Variants in IPMK observed in about 807,000 individuals in gnomAD.
IPMK encodes inositol polyphosphate multikinase.
IPMK carries 17 observed loss-of-function variants against 45.8 expected under a neutral mutation model. The observed-to-expected ratio is 0.37, with a 90% CI of 0.25 to 0.56. The LOEUF is 0.56. Ranked by LOEUF, IPMK falls within the 20% of genes least tolerant of loss-of-function variation. The pLI, the probability that IPMK is intolerant of heterozygous loss-of-function variation, is 0.79. For synonymous variants in IPMK, 180 were observed against 184.3 expected (o/e 0.98, Z 0.19); for missense variants, 399 against 498.0 (o/e 0.80, Z 1.89).
chr10:58,246,768 T>C (rs1233132444), intron 1 of IPMK, among the ~76,000 whole-genome samples: 1 of 152,016 alleles, frequency 6.6e-6, no homozygotes, highest in East Asian at 1.9e-4. Context: ...TCTAAAACAC[T>C]AAAAGCAATG....
At chr10:58,213,781 C>T (rs1418044359) in intron 4 of IPMK, among the ~76,000 whole-genome samples, 1 of 151,474 alleles carries the variant, frequency 6.6e-6, no homozygotes, top group Non-Finnish European at 1.5e-5. Flanking sequence ...GAGATGGGTG[C>T]CATAGATTCA....
rs774503755 is a variant in IPMK at position 58,196,090 on chromosome 10, T to A, written c.1237A>T (p.Ile413Phe). ...LKHLISVLRS[I>F]LDN ...CAACAGAGGATTCAATTGTCTAAAA[T>A]ACTTCGAAGTACAGAAATTAAATGC... Residue 413 changes from isoleucine (I) to phenylalanine (F), a missense_variant, in exon 6 of 6, where the codon ATT becomes TTT. Ile to Phe is a conservative substitution (Grantham distance 21). This residue lies in a region of IPMK where 288 missense variants were observed against 398.0 expected (regional missense o/e 0.72). Coordinates refer to ENST00000373935, the MANE Select transcript of IPMK (RefSeq NM_152230.5). The A allele has an allele frequency of 1.9e-6, 3 of 1,612,438 alleles. No homozygotes were observed. In the East Asian group the frequency reaches 6.7e-5, roughly 36 times the overall value.
At chr10:58,225,642 G>A (rs569319073) in intron 3 of IPMK, among the ~76,000 whole-genome samples, 11 of 152,084 alleles carry the variant, frequency 7.2e-5, no homozygotes, top group South Asian at 2.1e-4. Context: ...ATTTAATTAC[G>A]TAGATTTTCA....
intron 1 of IPMK, among the ~76,000 whole-genome samples, chr10:58,261,482 C>T (rs1454499564): frequency 7.4e-6 from 1 of 134,386 alleles, no homozygotes; most frequent in Non-Finnish European, 1.5e-5. Context: ...TGAATTTAAA[C>T]AGAAACAAAT....
Position 58,193,409 on chromosome 10 carries a change from C to T in IPMK, c.*2667G>A, listed in dbSNP as rs1292086728. ...CTGAGTTGAAATACCACAAGCTCCA[C>T]ATTAGAGCCATTTAATATACACATT... is the stretch of plus-strand genomic sequence containing the variant. On this transcript the variant is annotated 3_prime_UTR_variant, in exon 6 of 6. Transcript: ENST00000373935. 1.3e-5 allele frequency: 2 copies of T among 151,830 alleles called. No homozygotes were observed. Among genetic ancestry groups the T allele is most frequent in the South Asian group, 2.1e-4 (1 of 4,836 alleles). 9.4% of individuals were successfully genotyped at this position (151,830 alleles called of 1,614,324 possible). A position where few individuals can be genotyped will look rare whatever the true frequency, so the allele number is the denominator to read the frequency against.
At chr10:58,249,624 T>C (rs1838854096) in intron 1 of IPMK, among the ~76,000 whole-genome samples, 1 of 152,178 alleles carries the variant, frequency 6.6e-6, no homozygotes, top group African/African-American at 2.4e-5. Flanking sequence ...AAGGATAGTC[T>C]ACAGATATTT....
chr10:58,257,495 A>T (rs1434119696), intron 1 of IPMK, among the ~76,000 whole-genome samples: 2 of 150,042 alleles, frequency 1.3e-5, no homozygotes, highest in South Asian at 2.2e-4. Flanking sequence ...ACTCTGTCTC[A>T]AAAACAAAAA....
intron 4 of IPMK, chr10:58,212,712 TG>T: frequency 4.2e-6 from 1 of 240,664 alleles, no homozygotes; most frequent in Non-Finnish European, 9.1e-6. Context: ...TTACTTTTTC[TG>T]GTCTCTGTTC....
At position 58,249,923 on chromosome 10, in the gene IPMK, C is replaced by T. The variant is rs113291508; in HGVS notation, c.191-12109G>A. ...GCTTATGGATATCCAGTTTTCCCAC[C>T]CCACTTATTGAAGACACCATCCCTT... On this transcript the variant is annotated intron_variant, in intron 1 of 5. Transcript: ENST00000373935. Among the ~76,000 whole-genome samples the T allele has an allele frequency of 1.0e-3, 157 of 152,146 alleles. 1 individual carries two copies. The highest frequency in any genetic ancestry group is 1.6e-3 in the Non-Finnish European group (112 of 68,016).
In IPMK at chr10:58,267,852, C is replaced by T. The variant is rs1010756016; in HGVS notation, c.-241G>A. On this transcript the variant is annotated 5_prime_UTR_variant, in exon 1 of 6. Transcript: ENST00000373935. ...TCCTGTTCCTCTGCCGCCGCAGCCG[C>T]CGGCCCCGGCGCTGCCCGGTAGACA... The T allele has an allele frequency of 5.3e-5, 25 of 467,728 alleles. No individual in the cohort carries two copies. In the South Asian group the frequency reaches 7.2e-4, roughly 14 times the overall value. The allele number at this position is 467,728 out of a possible 1,614,324, so 29.0% of individuals were successfully genotyped here. A position where few individuals can be genotyped will look rare whatever the true frequency, so the allele number is the denominator to read the frequency against.
At chr10:58,259,619 G>GC (rs1171242150) in intron 1 of IPMK, among the ~76,000 whole-genome samples, 45 of 146,188 alleles carry the variant, frequency 3.1e-4, no homozygotes, top group African/African-American at 1.1e-3. Flanking sequence ...GATCGCATGA[G>GC]CTCAGGAGTT....
intron 3 of IPMK, among the ~76,000 whole-genome samples, chr10:58,223,416 T>C (rs890901721): frequency 1.3e-5 from 2 of 152,120 alleles, no homozygotes; most frequent in Non-Finnish European, 2.9e-5. Flanking sequence ...AATAACTAGT[T>C]CCTTTAAAGG....
intron 4 of IPMK, among the ~76,000 whole-genome samples, chr10:58,201,497 T>C (rs934577518): frequency 1.3e-5 from 2 of 152,220 alleles, no homozygotes; most frequent in Non-Finnish European, 2.9e-5. Context: ...TGGATAAATA[T>C]GTGTGTCCTG....
At chr10:58,231,847 T>G (rs1218715389) in intron 2 of IPMK, among the ~76,000 whole-genome samples, 2 of 152,178 alleles carry the variant, frequency 1.3e-5, no homozygotes, top group African/African-American at 4.8e-5. Context: ...TAAATGTAAA[T>G]GGGCTAAATG....
At chr10:58,252,994 C>G (rs542362196) in intron 1 of IPMK, among the ~76,000 whole-genome samples, 119 of 152,282 alleles carry the variant, frequency 7.8e-4, no homozygotes, top group African/African-American at 2.8e-3. Context: ...CTCTCTCTAG[C>G]AGTCTGACAT....
At chr10:58,224,585 A>G (rs1838385797) in intron 3 of IPMK, among the ~76,000 whole-genome samples, 1 of 152,204 alleles carries the variant, frequency 6.6e-6, no homozygotes. Context: ...AACTATCATA[A>G]CAAAATTAAA....
At chr10:58,267,350 A>G in intron 1 of IPMK, 72 bp downstream of exon 1, 1 of 1,497,622 alleles carries the variant, frequency 6.7e-7, no homozygotes, top group Non-Finnish European at 9.3e-7. Flanking sequence ...CGAGAGCGCT[A>G]GGCTGCCTCC....
At chr10:58,248,670 G>A (rs369116033) in intron 1 of IPMK, among the ~76,000 whole-genome samples, 18 of 152,120 alleles carry the variant, frequency 1.2e-4, no homozygotes, top group African/African-American at 3.9e-4. Context: ...TTTTGCACCC[G>A]TTAAACAACC....
rs1196132935 is a variant in IPMK, at chr10:58,194,710, A to C, written c.*1366T>G. 1 of 151,994 alleles carries C rather than the reference A, an allele frequency of 6.6e-6. No individual in the cohort carries two copies. Among genetic ancestry groups the C allele is most frequent in the Non-Finnish European group, 1.5e-5 (1 of 67,848 alleles). The allele number at this position is 151,994 out of a possible 1,614,324, so 9.4% of individuals were successfully genotyped here. ...AGGAGAAAGAATTTACAACCCCAAA[A>C]TATTTTCCAGGAATATGACAAAACT... On this transcript the variant is annotated 3_prime_UTR_variant, in exon 6 of 6. Transcript: ENST00000373935.
Sources: allele counts gnomAD v4.1 joint callset (sites outside exome capture counted in the v4.1 genomes callset), GRCh38; gene constraint gnomAD v4.1.1; regional missense constraint gnomAD v4.1.1; transcripts MANE v1.5; gene names NCBI Gene and HGNC (gene_info 2026-07-23, HGNC 2026-07-21).